Variants in PTPRQ observed in about 807,000 individuals in gnomAD.
PTPRQ encodes the protein protein tyrosine phosphatase receptor type Q.
Under a neutral mutation model 246.0 loss-of-function variants are expected in PTPRQ, and 199 were observed. The ratio of observed to expected loss-of-function variants is 0.81; its 90% confidence interval spans 0.72 to 0.91. PTPRQ has a LOEUF of 0.91. Among genes scored for constraint, PTPRQ ranks in the 40% least tolerant of loss-of-function variants. The probability of loss-of-function intolerance (pLI) is 0.00; values close to 1 mark genes in which losing one functional copy is unlikely to be tolerated. For missense variants in PTPRQ, 2,624 were observed against 2,528.4 expected, an observed-to-expected ratio of 1.04 and a Z score of -0.81; for synonymous variants, 869 against 853.2, an observed-to-expected ratio of 1.02 and a Z score of -0.32.
chr12:80,668,959 T>C, intron 39 of PTPRQ, 48 bp from the exon 40 acceptor site: 1 of 1,496,352 alleles, frequency 6.7e-7, no homozygotes, highest in Non-Finnish European at 8.9e-7. Context: ...ACTAAAACAC[T>C]GTATCTGTGA....
At chr12:80,666,870 A>C (rs1235913268) in intron 39 of PTPRQ, among the ~76,000 whole-genome samples, 2 of 151,870 alleles carry the variant, frequency 1.3e-5, no homozygotes, top group Non-Finnish European at 2.9e-5. Flanking sequence ...CACCATCTCC[A>C]TTGATATCAC....
intron 25 of PTPRQ, among the ~76,000 whole-genome samples, chr12:80,569,336 C>T: frequency 7.7e-6 from 1 of 129,928 alleles, no homozygotes; most frequent in East Asian, 2.2e-4. Flanking sequence ...GTATATGTGC[C>T]CATTTTCTTA....
chr12:80,576,651 C>T (rs1565796501), intron 25 of PTPRQ, among the ~76,000 whole-genome samples: 1 of 146,070 alleles, frequency 6.8e-6, no homozygotes, highest in East Asian at 2.0e-4. Flanking sequence ...TTCTTCTGAC[C>T]TTTTTTTTTT....
Position 80,669,440 on chromosome 12 carries a change from T to C in PTPRQ, c.6429T>C (p.Thr2143=). The C allele has an allele frequency of 6.5e-7, 1 of 1,546,718 alleles. No homozygotes were observed. The highest frequency in any genetic ancestry group is 8.7e-7 in the Non-Finnish European group (1 of 1,145,006). ...TGGAGGATGTTCAAATAGATTGGAC[T>C]ATCAGGGATCTGAAAATTGAAAGGG... The part of the protein sequence containing the change: ...KLMEDVQIDW[T]IRDLKIERHG... Residue 2143 remains threonine (T), a synonymous_variant, in exon 41 of 45, where the codon ACT becomes ACC. Transcript: ENST00000644991.
At chr12:80,600,351 G>A (rs1448618026) in intron 26 of PTPRQ, among the ~76,000 whole-genome samples, 1 of 151,730 alleles carries the variant, frequency 6.6e-6, no homozygotes, top group Non-Finnish European at 1.5e-5. Flanking sequence ...TATTGTGAAA[G>A]AAGAGAAGTT....
chr12:80,484,618 T>C lies in PTPRQ; in HGVS notation c.1359+13T>C. ...TGGAAATAATGAGGTATTGCATTTT[T>C]ATTTCACTTATTGGTGAACCCTTTC... On this transcript the variant is annotated intron_variant, in intron 9 of 44. Transcript: ENST00000644991. 1 of 1,547,980 alleles carries C rather than the reference T, an allele frequency of 6.5e-7. No individual in the cohort carries two copies. The highest frequency in any genetic ancestry group is 8.7e-7 in the Non-Finnish European group (1 of 1,146,204).
At chr12:80,527,974 T>C (rs1895738529) in intron 17 of PTPRQ, among the ~76,000 whole-genome samples, 1 of 152,048 alleles carries the variant, frequency 6.6e-6, no homozygotes, top group African/African-American at 2.4e-5. Context: ...ATCCCAGCTA[T>C]TCAGGAGACT....
At chr12:80,578,994 C>T (rs1224244058) in intron 25 of PTPRQ, among the ~76,000 whole-genome samples, 1 of 152,004 alleles carries the variant, frequency 6.6e-6, no homozygotes, top group Non-Finnish European at 1.5e-5. Flanking sequence ...TGGGTTCATT[C>T]CATTTGTTTT....
rs1234746636 is a variant in PTPRQ, at chr12:80,444,367, C to A, written c.22C>A (p.Leu8Ile). The A allele has an allele frequency of 6.8e-7, 1 of 1,475,438 alleles. No individual in the cohort carries two copies. The highest frequency in any genetic ancestry group is 9.2e-7 in the Non-Finnish European group (1 of 1,081,780). 91.4% of individuals were successfully genotyped at this position (1,475,438 alleles called of 1,614,324 possible). The change falls in exon 1 of 45, where the codon CTT (leucine) becomes ATT (isoleucine). Residue 8 changes from leucine (L) to isoleucine (I), a missense_variant. Physicochemically the swap from Leu to Ile is conservative, Grantham distance 5 (BLOSUM62 2). Coordinates refer to ENST00000644991, the MANE Select transcript of PTPRQ (RefSeq NM_001145026.2). The part of the protein sequence containing the change: MDFLIIF[L>I]LLFIGTSETQ... ...AAAGATGGATTTTCTTATCATTTTTCTTTTACTTTTTATTGGGACTTCAGA... is the reference window on the plus strand; with the variant it reads ...AAAGATGGATTTTCTTATCATTTTTATTTTACTTTTTATTGGGACTTCAGA...
Position 80,478,584 on chromosome 12 carries a change from C to T in PTPRQ, c.1187-5849C>T, listed in dbSNP as rs530260411. 6.8e-4 allele frequency among the ~76,000 whole-genome samples: 103 copies of T among 152,142 alleles called. 1 individual carries two copies. The highest frequency in any genetic ancestry group is 1.3e-3 in the Non-Finnish European group (86 of 67,996). ...CAGACGATCAAATTACTCTGAGCTA[C>T]AGGAGGACATTCAAACCAAAGGCAA... is the stretch of plus-strand genomic sequence containing the variant. On this transcript the variant is annotated intron_variant, in intron 8 of 44. Transcript: ENST00000644991.
At chr12:80,668,031 A>G (rs761687316) in intron 39 of PTPRQ, among the ~76,000 whole-genome samples, 2 of 151,964 alleles carry the variant, frequency 1.3e-5, no homozygotes, top group Non-Finnish European at 2.9e-5. Context: ...AGTCCCTGGA[A>G]AATTTAAATA....
At chr12:80,473,831 T>C (rs1400075924) in intron 8 of PTPRQ, among the ~76,000 whole-genome samples, 1 of 152,250 alleles carries the variant, frequency 6.6e-6, no homozygotes, top group Non-Finnish European at 1.5e-5. Flanking sequence ...TTTAAGTAGA[T>C]GACTCCATTT....
At chr12:80,572,675 A>C (rs1279635254) in intron 25 of PTPRQ, among the ~76,000 whole-genome samples, 2 of 152,140 alleles carry the variant, frequency 1.3e-5, no homozygotes, top group African/African-American at 4.8e-5. Flanking sequence ...ATTAAATTGA[A>C]GAAGATTCTT....
intron 9 of PTPRQ, among the ~76,000 whole-genome samples, chr12:80,485,018 T>A (rs1348465842): frequency 1.3e-5 from 2 of 152,128 alleles, no homozygotes; most frequent in Non-Finnish European, 1.5e-5. Flanking sequence ...AATGATTCTG[T>A]TCTATTTGGT....
intron 24 of PTPRQ, among the ~76,000 whole-genome samples, chr12:80,548,756 A>T (rs1456475680): frequency 1.3e-5 from 2 of 152,074 alleles, no homozygotes; most frequent in Non-Finnish European, 2.9e-5. Context: ...CTAATTGGAC[A>T]TTTCTGTGGG....
At chr12:80,667,313 G>A (rs934783713) in intron 39 of PTPRQ, among the ~76,000 whole-genome samples, 1 of 151,876 alleles carries the variant, frequency 6.6e-6, no homozygotes, top group Non-Finnish European at 1.5e-5. Context: ...GATATGTGAA[G>A]TTTGGAGATG....
chr12:80,522,304 G>T (rs1170150679), intron 17 of PTPRQ, among the ~76,000 whole-genome samples: 3 of 152,190 alleles, frequency 2.0e-5, no homozygotes, highest in East Asian at 1.9e-4. Flanking sequence ...CATGTCATCT[G>T]CAAACAGGGA....
intron 23 of PTPRQ, 60 bp from the exon 24 acceptor site, chr12:80,546,496 T>G: frequency 6.9e-7 from 1 of 1,449,618 alleles, no homozygotes; most frequent in East Asian, 2.5e-5. Flanking sequence ...ATGAAAATAT[T>G]CCATTGATGA....
At chr12:80,614,450 C>G (rs894769054) in intron 29 of PTPRQ, among the ~76,000 whole-genome samples, 2 of 150,760 alleles carry the variant, frequency 1.3e-5, no homozygotes, top group African/African-American at 4.8e-5. Context: ...TTCTAAGAAA[C>G]AGAATTTACT....
Sources: allele counts gnomAD v4.1 joint callset (sites outside exome capture counted in the v4.1 genomes callset), GRCh38; gene constraint gnomAD v4.1.1; transcripts MANE v1.5; gene names NCBI Gene and HGNC (gene_info 2026-07-23, HGNC 2026-07-21).